Variants in USP37 observed in about 807,000 individuals in gnomAD.
USP37 encodes ubiquitin specific peptidase 37.
Under a neutral mutation model 124.0 loss-of-function variants are expected in USP37, and 27 were observed. The ratio of observed to expected loss-of-function variants is 0.22; its 90% confidence interval spans 0.16 to 0.30. The LOEUF (loss-of-function observed/expected upper bound fraction) is 0.30, where lower values mean the gene tolerates loss of function less well. Among genes scored for constraint, USP37 ranks in the 10% least tolerant of loss-of-function variants. USP37 has a pLI of 1.00. For missense variants in USP37, 889 were observed against 1,140.4 expected, an observed-to-expected ratio of 0.78 and a Z score of 3.17; for synonymous variants, 365 against 388.0, an observed-to-expected ratio of 0.94 and a Z score of 0.70.
chr2:218,548,524 T>C lies in USP37; in HGVS notation c.429+1285A>G, dbSNP rs1408335622. Among the ~76,000 whole-genome samples the C allele has an allele frequency of 4.9e-5, 7 of 141,936 alleles. No homozygotes were observed. In the Admixed American group the frequency reaches 5.0e-4, roughly 10 times the overall value. 93.1% of individuals were successfully genotyped at this position (141,936 alleles called of 152,430 possible). A position where few individuals can be genotyped will look rare whatever the true frequency, so the allele number is the denominator to read the frequency against. ...CCCAACTAATTTATGTATTTTTTTT[T>C]GTAGAGACAGGGTTTCACATGTTGC... On this transcript the variant is annotated intron_variant, in intron 6 of 25. Transcript: ENST00000258399.
chr2:218,545,720 C>A (rs570414745), intron 8 of USP37, among the ~76,000 whole-genome samples: 1 of 151,992 alleles, frequency 6.6e-6, no homozygotes, highest in Non-Finnish European at 1.5e-5. Flanking sequence ...ACGATGATTA[C>A]GAGTTGGCGA....
rs755170816 is a variant in USP37, at chr2:218,474,633, G to A, written c.2296C>T (p.Leu766=). ...ETEKPKTITE[L]DPASFTEITK... ...GTTTAATCTTCATTAAACCTACCCAGCTCTGTGATTGTTTTGGGCTTCTCA... is the reference window on the plus strand; with the variant it reads ...GTTTAATCTTCATTAAACCTACCCAACTCTGTGATTGTTTTGGGCTTCTCA... The change falls in exon 20 of 26, where the codon CTG becomes TTG. Residue 766 remains leucine, a synonymous_variant. Coordinates refer to ENST00000258399, the MANE Select transcript of USP37 (RefSeq NM_020935.3). 32 of 1,614,090 alleles carry A rather than the reference G, an allele frequency of 2.0e-5. No individual in the cohort carries two copies. The highest frequency in any genetic ancestry group is 2.3e-5 in the Non-Finnish European group (27 of 1,180,018).
Position 218,479,717 on chromosome 2 carries a change from T to C in USP37, c.1836-2A>G, listed in dbSNP as rs756916138. ...TGAGAGGCTTTCAATGGTCTAGAAC[T>C]ATCAGAAAATTAGAAAATATATAAT... On this transcript the variant is annotated splice_acceptor_variant, in intron 17 of 25. Coordinates refer to ENST00000258399, the MANE Select transcript of USP37 (RefSeq NM_020935.3). LOFTEE classifies it high-confidence loss of function. 6.3e-7 allele frequency: 1 copy of C among 1,575,360 alleles called. No homozygotes were observed.
intron 16 of USP37, among the ~76,000 whole-genome samples, chr2:218,485,435 T>G (rs1691500048): frequency 6.6e-6 from 1 of 152,084 alleles, no homozygotes; most frequent in Non-Finnish European, 1.5e-5. Context: ...ATTACAGGCG[T>G]GAGCTATCAC....
At chr2:218,545,182 C>T (rs538353703) in intron 8 of USP37, among the ~76,000 whole-genome samples, 9 of 152,332 alleles carry the variant, frequency 5.9e-5, no homozygotes, top group South Asian at 2.1e-4. Context: ...AACCACTGTA[C>T]GCTTTTGCCA....
intron 17 of USP37, among the ~76,000 whole-genome samples, chr2:218,480,690 A>G (rs528405449): frequency 1.3e-5 from 2 of 152,206 alleles, no homozygotes; most frequent in Non-Finnish European, 2.9e-5. Flanking sequence ...TTTCTTATAG[A>G]CAAGTCAAGG....
chr2:218,500,396 A>T (rs1345600774), intron 11 of USP37, among the ~76,000 whole-genome samples: 2 of 152,070 alleles, frequency 1.3e-5, no homozygotes, highest in African/African-American at 2.4e-5. Context: ...AGTAGCTGGG[A>T]TTACAGGTGT....
chr2:218,544,420 T>G (rs1179412559), intron 8 of USP37, among the ~76,000 whole-genome samples: 2 of 53,330 alleles, frequency 3.8e-5, no homozygotes, highest in Admixed American at 2.3e-4. Context: ...TATATATATA[T>G]ATATATATAT....
intron 8 of USP37, among the ~76,000 whole-genome samples, chr2:218,542,924 A>G (rs1027561981): frequency 6.6e-6 from 1 of 152,224 alleles, no homozygotes; most frequent in Non-Finnish European, 1.5e-5. Context: ...AACAAACCTA[A>G]AACATGTAGC....
intron 10 of USP37, among the ~76,000 whole-genome samples, chr2:218,512,086 T>TA (rs1003190023): frequency 6.6e-6 from 1 of 151,966 alleles, no homozygotes; most frequent in Non-Finnish European, 1.5e-5. Flanking sequence ...GTTTGGTACT[T>TA]AAAAAAAATG....
intron 14 of USP37, among the ~76,000 whole-genome samples, chr2:218,495,381 A>T (rs1432281555): frequency 6.6e-6 from 1 of 152,178 alleles, no homozygotes; most frequent in East Asian, 1.9e-4. Flanking sequence ...GGCTCAAACC[A>T]TCTGCCCACC....
intron 10 of USP37, chr2:218,528,693 C>A (rs1312128007): frequency 9.3e-6 from 4 of 430,846 alleles, no homozygotes; most frequent in Non-Finnish European, 1.6e-5. Flanking sequence ...TTTGCCATTA[C>A]CCTCACTTTT....
intron 21 of USP37, 134 bp from the exon 22 acceptor site, chr2:218,463,500 A>C: frequency 1.7e-6 from 1 of 573,062 alleles, no homozygotes; most frequent in Non-Finnish European, 2.9e-6. Flanking sequence ...TTGGAATATT[A>C]CCTTTTGAGG....
chr2:218,529,868 A>G, intron 10 of USP37, 88 bp downstream of exon 10: 1 of 955,704 alleles, frequency 1.0e-6, no homozygotes, highest in Non-Finnish European at 1.6e-6. Context: ...TTCACTTAAG[A>G]GGATAATACA....
intron 20 of USP37, 116 bp from the exon 21 acceptor site, chr2:218,466,292 T>C: frequency 3.4e-6 from 4 of 1,178,082 alleles, no homozygotes; most frequent in Non-Finnish European, 4.7e-6. Flanking sequence ...TATAATTTGC[T>C]TAGGACATAC....
chr2:218,505,998 G>A (rs1471765833), intron 11 of USP37, among the ~76,000 whole-genome samples: 2 of 151,746 alleles, frequency 1.3e-5, no homozygotes, highest in African/African-American at 4.8e-5. Context: ...TGAGTATCTG[G>A]GACCAGAGGT....
intron 8 of USP37, among the ~76,000 whole-genome samples, chr2:218,541,107 G>C (rs1408723701): frequency 6.6e-6 from 1 of 152,160 alleles, no homozygotes; most frequent in Non-Finnish European, 1.5e-5. Context: ...GTAAAAGCAG[G>C]AGTAGCCCCA....
chr2:218,527,120 C>A (rs533677218), intron 10 of USP37, among the ~76,000 whole-genome samples: 2 of 152,256 alleles, frequency 1.3e-5, no homozygotes, highest in South Asian at 4.1e-4. Flanking sequence ...TTGCTATATT[C>A]CACGATCAAG....
intron 14 of USP37, 126 bp downstream of exon 14, chr2:218,495,634 G>T (rs757694111): frequency 1.0e-5 from 11 of 1,060,912 alleles, no homozygotes; most frequent in African/African-American, 1.6e-5. Flanking sequence ...CAAGAGCCTA[G>T]GCAACTGTGT....
Sources: gnomAD v4.1 joint callset for allele counts (sites outside exome capture counted in the v4.1 genomes callset) on GRCh38, gnomAD v4.1.1 for gene constraint, MANE v1.5 for transcripts, NCBI Gene and HGNC (gene_info 2026-07-23, HGNC 2026-07-21) for gene names.